Variants in DIS3L2 observed in about 807,000 individuals in gnomAD.
DIS3L2 encodes DIS3 like 3'-5' exoribonuclease 2.
A neutral mutation model predicts 97.5 loss-of-function variants in DIS3L2; 34 were observed. That is an observed-to-expected ratio of 0.35 (90% confidence interval 0.27 to 0.46). The LOEUF is 0.46. Among genes scored for constraint, DIS3L2 ranks in the 20% least tolerant of loss-of-function variants. The probability of loss-of-function intolerance (pLI) is 1.00; values close to 1 mark genes in which losing one functional copy is unlikely to be tolerated. For missense variants in DIS3L2, 1,038 were observed against 1,146.0 expected (o/e 0.91, Z 1.36); for synonymous variants, 435 against 445.2 (o/e 0.98, Z 0.29).
chr2:232,310,456 C>T lies in DIS3L2; in HGVS notation c.1739+10337C>T, dbSNP rs555800183. 3.9e-4 allele frequency among the ~76,000 whole-genome samples: 60 copies of T among 152,270 alleles called. 1 individual carries two copies. The highest frequency in any genetic ancestry group is 1.4e-3 in the African/African-American group (58 of 41,546). ...ACTGCTGGATTCGGGTAGTGTTCAG[C>T]GAAGGGAGTGTCTCTCCACCGTCCA... On this transcript the variant is annotated intron_variant, in intron 14 of 20. Transcript: ENST00000325385.
chr2:232,002,106 C>T (rs569640436), intron 1 of DIS3L2, among the ~76,000 whole-genome samples: 1 of 152,160 alleles, frequency 6.6e-6, no homozygotes, highest in Non-Finnish European at 1.5e-5. Flanking sequence ...ATCCGGTTCT[C>T]TCGGTACCAT....
At chr2:232,053,385 A>G (rs996089547) in intron 5 of DIS3L2, among the ~76,000 whole-genome samples, 1 of 152,208 alleles carries the variant, frequency 6.6e-6, no homozygotes, top group South Asian at 2.1e-4. Context: ...ACTACTCTCA[A>G]CACTGCTGAC....
chr2:232,311,541 G>C (rs1340819158), intron 14 of DIS3L2, among the ~76,000 whole-genome samples: 1 of 152,164 alleles, frequency 6.6e-6, no homozygotes, highest in Non-Finnish European at 1.5e-5. Context: ...AGCCCGGGCA[G>C]TGTAACGACA....
chr2:232,012,893 C>T (rs1356712611), intron 1 of DIS3L2, among the ~76,000 whole-genome samples: 4 of 152,188 alleles, frequency 2.6e-5, no homozygotes, highest in South Asian at 4.1e-4. Context: ...TTGAACACTC[C>T]GTGTTACCAT....
chr2:232,249,113 G>A, intron 11 of DIS3L2, 126 bp from the exon 12 acceptor site: 1 of 836,912 alleles, frequency 1.2e-6, no homozygotes, highest in East Asian at 2.7e-5. Context: ...GAGTCTTTGG[G>A]AACAGAGCCA....
chr2:232,015,775 A>T, intron 3 of DIS3L2, 104 bp downstream of exon 3: 1 of 1,358,934 alleles, frequency 7.4e-7, no homozygotes, highest in African/African-American at 1.4e-5. Context: ...AGAGACGATG[A>T]TGTAACAGGT....
intron 5 of DIS3L2, among the ~76,000 whole-genome samples, chr2:232,032,550 T>C (rs755476419): frequency 1.3e-5 from 2 of 152,152 alleles, no homozygotes; most frequent in African/African-American, 4.8e-5. Flanking sequence ...AATTGCTTTT[T>C]GTGTTTTAGT....
chr2:232,034,592 C>G (rs533134038), intron 5 of DIS3L2, among the ~76,000 whole-genome samples: 8 of 152,296 alleles, frequency 5.3e-5, no homozygotes, highest in African/African-American at 1.9e-4. Context: ...CCCGCTTTCT[C>G]CTGTGGGCAT....
intron 16 of DIS3L2, among the ~76,000 whole-genome samples, chr2:232,333,302 A>ACCT (rs201814833): frequency 4.4e-5 from 5 of 113,266 alleles, no homozygotes; most frequent in Non-Finnish European, 5.6e-5. Context: ...TGCCATCGCC[A>ACCT]CCTCCTCCTC....
chr2:231,978,005 A>T (rs766741901), intron 1 of DIS3L2, among the ~76,000 whole-genome samples: 19 of 152,202 alleles, frequency 1.2e-4, no homozygotes, highest in Non-Finnish European at 2.5e-4. Context: ...AGAAGAAAAG[A>T]TGAAAATCGA....
intron 5 of DIS3L2, 52 bp from the exon 6 acceptor site, chr2:232,087,433 CTT>C (rs35104431): frequency 1.1e-3 from 1,231 of 1,116,912 alleles, no homozygotes; most frequent in African/African-American, 2.2e-3. Context: ...AAAATCTGCT[CTT>C]TTTTTTTTTT....
intron 9 of DIS3L2, among the ~76,000 whole-genome samples, chr2:232,167,353 C>T (rs143107991): frequency 5.2e-4 from 79 of 151,978 alleles, no homozygotes; most frequent in African/African-American, 1.6e-3. Context: ...ATTTTACTTA[C>T]GAAAAGTATA....
intron 13 of DIS3L2, among the ~76,000 whole-genome samples, chr2:232,277,101 T>G (rs915699899): frequency 1.3e-5 from 2 of 152,058 alleles, no homozygotes; most frequent in Non-Finnish European, 2.9e-5. Context: ...CAAGGCAGAG[T>G]GAGCCTCATT....
chr2:232,019,280 G>A (rs1694444520), intron 3 of DIS3L2, among the ~76,000 whole-genome samples: 1 of 152,180 alleles, frequency 6.6e-6, no homozygotes. Context: ...AGCAGGGTGT[G>A]GTGGCTCACG....
chr2:232,289,463 G>A (rs1012974447), intron 13 of DIS3L2, among the ~76,000 whole-genome samples: 9 of 152,226 alleles, frequency 5.9e-5, no homozygotes, highest in South Asian at 2.1e-4. Flanking sequence ...AGTAGAGATG[G>A]GGTTTCACCA....
intron 9 of DIS3L2, among the ~76,000 whole-genome samples, chr2:232,183,070 T>G (rs1204438046): frequency 2.0e-5 from 3 of 152,136 alleles, no homozygotes; most frequent in African/African-American, 4.8e-5. Context: ...ATTAGTGCCC[T>G]TATAAAAAGA....
chr2:232,306,939 A>G (rs935590315), intron 14 of DIS3L2, among the ~76,000 whole-genome samples: 1 of 152,222 alleles, frequency 6.6e-6, no homozygotes, highest in African/African-American at 2.4e-5. Context: ...TGCTTCTAGA[A>G]CATCCCTCTT....
In DIS3L2 at chr2:232,300,078, G is replaced by A. The variant is rs867651676; in HGVS notation, c.1698G>A (p.Leu566=). 3 of 1,613,932 alleles carry A rather than the reference G, an allele frequency of 1.9e-6. No individual in the cohort carries two copies. Among genetic ancestry groups the A allele is most frequent in the Middle Eastern group, 1.7e-4 (1 of 6,060 alleles). The change falls in exon 14 of 21, where the codon TTG becomes TTA. Residue 566 remains leucine, a synonymous_variant. Transcript: ENST00000325385. ...TCACTCTGGACCACGAGACCGGATT[G>A]CCTCAAGGATGTCATATCTATGAGT... is the stretch of plus-strand genomic sequence containing the variant. The part of the protein sequence containing the change: ...LAFTLDHETG[L]PQGCHIYEYR...
chr2:232,333,698 C>T, intron 16 of DIS3L2, 142 bp from the exon 17 acceptor site: 3 of 1,307,516 alleles, frequency 2.3e-6, no homozygotes, highest in East Asian at 2.5e-5. Context: ...CCCCAGTCCT[C>T]CCTGGCGTCA....
Sources: allele counts gnomAD v4.1 joint callset (sites outside exome capture counted in the v4.1 genomes callset), GRCh38; gene constraint gnomAD v4.1.1; transcripts MANE v1.5; gene names NCBI Gene and HGNC (gene_info 2026-07-23, HGNC 2026-07-21).